AKAP11: variants seen among roughly 807,000 people sequenced by gnomAD.
The protein encoded by AKAP11 is A-kinase anchoring protein 11.
A neutral mutation model predicts 146.1 loss-of-function variants in AKAP11; 36 were observed. The observed-to-expected ratio is 0.25, with a 90% confidence interval of 0.19 to 0.33. The LOEUF is 0.33. Among genes scored for constraint, AKAP11 ranks in the 10% least tolerant of loss-of-function variants. AKAP11 has a pLI of 1.00. For synonymous variants in AKAP11, 780 were observed against 786.5 expected (o/e 0.99, Z 0.14); for missense variants, 2,201 against 2,197.0 (o/e 1.00, Z -0.04).
In AKAP11 at chr13:42,300,597, C is replaced by G; in HGVS notation, c.1851C>G (p.Asn617Lys). 1 of 1,614,002 alleles carries G rather than the reference C, an allele frequency of 6.2e-7. No homozygotes were observed. The highest frequency in any genetic ancestry group is 8.5e-7 in the Non-Finnish European group (1 of 1,179,908). The change falls in exon 8 of 13, where the codon AAC becomes AAG. Residue 617 changes from asparagine to lysine, a missense_variant. This residue lies in a region of AKAP11 where 1,867 missense variants were observed against 1,833.5 expected (regional missense o/e 1.02). Transcript: ENST00000025301. ...AACGTGCCATTAGTGGCCTGGCTAA[C>G]TTTTTGGTGAGTGAAGCTTTATCAA... The part of the protein sequence containing the change: ...LKERAISGLA[N>K]FLVSEALSNA...
chr13:42,296,310 G>C (rs2138552470), intron 5 of AKAP11, among the ~76,000 whole-genome samples: 1 of 152,222 alleles, frequency 6.6e-6, no homozygotes, highest in Non-Finnish European at 1.5e-5. Context: ...TTGTGGCCTT[G>C]CTTGAAGGAA....
At position 42,300,463 on chromosome 13, in the gene AKAP11, G is replaced by A. The variant is rs1959802498; in HGVS notation, c.1717G>A (p.Val573Ile). 1.9e-6 allele frequency: 3 copies of A among 1,613,860 alleles called. No individual in the cohort carries two copies. The highest frequency in any genetic ancestry group is 1.7e-5 in the Admixed American group (1 of 59,982). ...GSAFKDLQKGVSSCTNALYHL... is the reference protein window; with the variant it reads ...GSAFKDLQKGISSCTNALYHL... ...TGCATTTAAAGACTTACAGAAAGGA[G>A]TCTCTTCATGTACCAATGCTTTGTA... Residue 573 changes from valine (V) to isoleucine (I), a missense_variant, in exon 8 of 13, where the codon GTC becomes ATC. This residue lies in a region of AKAP11 where 1,867 missense variants were observed against 1,833.5 expected (regional missense o/e 1.02). Transcript: ENST00000025301.
Position 42,300,906 on chromosome 13 carries a change from C to G in AKAP11, c.2160C>G (p.Val720=), listed in dbSNP as rs1292663654. 3.1e-6 allele frequency: 5 copies of G among 1,614,088 alleles called. No individual in the cohort carries two copies. The highest frequency in any genetic ancestry group is 1.1e-5 in the South Asian group (1 of 91,074). The change falls in exon 8 of 13, where the codon GTC becomes GTG. Residue 720 remains valine, a synonymous_variant. Transcript: ENST00000025301. ...TTACAACAAAGGCAGCAGTTAGTGTCTCTACGGATAATATCAAGTATGTGA... is the reference window on the plus strand; with the variant it reads ...TTACAACAAAGGCAGCAGTTAGTGTGTCTACGGATAATATCAAGTATGTGA... The part of the protein sequence containing the change: ...VTFTTKAAVS[V]STDNIKYVSA...
chr13:42,301,588 A>G lies in AKAP11; in HGVS notation c.2842A>G (p.Lys948Glu), dbSNP rs755937604. 6.2e-7 allele frequency: 1 copy of G among 1,614,154 alleles called. No homozygotes were observed. Among genetic ancestry groups the G allele is most frequent in the Admixed American group, 1.7e-5 (1 of 60,014 alleles). The change falls in exon 8 of 13, where the codon AAA becomes GAA. Residue 948 changes from lysine to glutamate, a missense_variant. Lys to Glu is a moderately conservative substitution (Grantham distance 56, BLOSUM62 1). Coordinates refer to ENST00000025301, the MANE Select transcript of AKAP11 (RefSeq NM_016248.4). ...TGACCGGTTATCTAAATCTATTATT[A>G]AACATTCCATAGATAAGAGCAAATC... ...FADRLSKSII[K>E]HSIDKSKSVI...
chr13:42,301,793 A>T lies in AKAP11; in HGVS notation c.3047A>T (p.His1016Leu), dbSNP rs149353289. ...CCAGAATGTAAAGTTTCTATGGTTC[A>T]TGGATCCTCCCTAGAGACACTGCCA... ...CVPECKVSMVHGSSLETLPSC... is the reference protein window; with the variant it reads ...CVPECKVSMVLGSSLETLPSC... Residue 1016 changes from histidine to leucine, a missense_variant, in exon 8 of 13, where the codon CAT becomes CTT. Transcript: ENST00000025301. 2.2e-5 allele frequency: 36 copies of T among 1,614,110 alleles called. No individual in the cohort carries two copies. The Admixed American group carries it at 5.8e-4, about 26-fold the overall frequency.
rs767456293 is a variant in AKAP11, at chr13:42,303,830, C to T, written c.5084C>T (p.Ala1695Val). Reference sequence around the variant, plus strand: ...AGCCTTGCCACAGAAACCATGACAGCAGCTGTCACAAATGTTGGGCATGCT... The same window carrying T: ...AGCCTTGCCACAGAAACCATGACAGTAGCTGTCACAAATGTTGGGCATGCT... ...AESLATETMT[A>V]AVTNVGHAVS... The change falls in exon 8 of 13, where the codon GCA becomes GTA. Residue 1695 changes from alanine to valine, a missense_variant. Physicochemically the swap from Ala to Val is moderately conservative, Grantham distance 64. Transcript: ENST00000025301. 5 of 1,592,846 alleles carry T rather than the reference C, an allele frequency of 3.1e-6. No individual in the cohort carries two copies. Among genetic ancestry groups the T allele is most frequent in the East Asian group, 4.5e-5 (2 of 44,584 alleles).
At chr13:42,294,983 A>G (rs9594724) in intron 4 of AKAP11, among the ~76,000 whole-genome samples, 25,549 of 152,180 alleles carry the variant, frequency 0.17, 2,887 homozygotes, top group Non-Finnish European at 0.24. Flanking sequence ...TTCTTCATGC[A>G]TTAGGTATTC....
At chr13:42,287,536 G>A (rs7326208) in intron 3 of AKAP11, among the ~76,000 whole-genome samples, 18,705 of 151,920 alleles carry the variant, frequency 0.12, 1,211 homozygotes, top group South Asian at 0.19. Context: ...TGCCTGCCTC[G>A]GCCTCCCAAA....
Position 42,302,707 on chromosome 13 carries a change from T to C in AKAP11, c.3961T>C (p.Ser1321Pro). ...AAGAGAAGTGGATCCGTTTATTCTT[T>C]CATTACCACCAAGTTCTTGTATGTC... ...HPREVDPFIL[S>P]LPPSSCMSGL... Residue 1321 changes from serine (S) to proline (P), a missense_variant, in exon 8 of 13, where the codon TCA becomes CCA. Coordinates refer to ENST00000025301, the MANE Select transcript of AKAP11 (RefSeq NM_016248.4). The C allele has an allele frequency of 6.2e-7, 1 of 1,614,156 alleles. No homozygotes were observed. Among genetic ancestry groups the C allele is most frequent in the Non-Finnish European group, 8.5e-7 (1 of 1,180,018 alleles).
At chr13:42,305,126 A>G (rs988380053) in intron 8 of AKAP11, among the ~76,000 whole-genome samples, 1 of 152,228 alleles carries the variant, frequency 6.6e-6, no homozygotes, top group Non-Finnish European at 1.5e-5. Flanking sequence ...AGAAGATATC[A>G]GGACCAACTT....
rs1343161703 is a variant in AKAP11, at chr13:42,322,167, G to A, written c.*2939G>A. 2.0e-5 allele frequency: 3 copies of A among 152,214 alleles called. No individual in the cohort carries two copies. The highest frequency in any genetic ancestry group is 2.9e-5 in the Non-Finnish European group (2 of 67,972). 9.4% of individuals were successfully genotyped at this position (152,214 alleles called of 1,614,324 possible). The stretch of plus-strand genomic sequence containing the variant: ...AAGAGGATTCATGGTGAATATATGT[G>A]ATAACATCTTTATACTTTGAAAAAT... On this transcript the variant is annotated 3_prime_UTR_variant, in exon 13 of 13. Coordinates refer to ENST00000025301, the MANE Select transcript of AKAP11 (RefSeq NM_016248.4).
At chr13:42,286,137 T>C in intron 2 of AKAP11, 102 bp downstream of exon 2, 1 of 359,428 alleles carries the variant, frequency 2.8e-6, no homozygotes. Flanking sequence ...TTTTCAAATA[T>C]TCTTGCTGGA....
At chr13:42,316,624 T>G in intron 11 of AKAP11, among the ~76,000 whole-genome samples, 1 of 152,226 alleles carries the variant, frequency 6.6e-6, no homozygotes, top group South Asian at 2.1e-4. Context: ...GTCTGAAGAA[T>G]GAGAGATTAA....
intron 6 of AKAP11, 136 bp downstream of exon 6, chr13:42,297,318 G>T: frequency 3.3e-6 from 2 of 606,422 alleles, no homozygotes; most frequent in Non-Finnish European, 5.1e-6. Context: ...TGATTCATAA[G>T]AAATATAACT....
In AKAP11 at chr13:42,279,504, G is replaced by A. The variant is rs117759686; in HGVS notation, c.-99-6482G>A. Among the ~76,000 whole-genome samples the A allele has an allele frequency of 4.5e-3, 678 of 152,046 alleles. 14 individuals are homozygous for A. In the East Asian group the frequency reaches 0.047, roughly 10 times the overall value. Reference sequence around the variant, plus strand: ...GTTAATTGTATCCAGTATGGTTTTCGTTTCAGTATATTTAATTTTCATCTC... The same window carrying A: ...GTTAATTGTATCCAGTATGGTTTTCATTTCAGTATATTTAATTTTCATCTC... On this transcript the variant is annotated intron_variant, in intron 1 of 12. Coordinates refer to ENST00000025301, the MANE Select transcript of AKAP11 (RefSeq NM_016248.4).
rs990972689 is a variant in AKAP11 at position 42,302,422 on chromosome 13, C to A, written c.3676C>A (p.Pro1226Thr). 6.2e-7 allele frequency: 1 copy of A among 1,614,008 alleles called. No homozygotes were observed. Among genetic ancestry groups the A allele is most frequent in the African/African-American group, 1.3e-5 (1 of 74,924 alleles). Reference sequence around the variant, plus strand: ...TTTAGATAACAAAATAATTCAAGAACCCAAGGTTAAAAACCCTTGCTTAAA... The same window carrying A: ...TTTAGATAACAAAATAATTCAAGAAACCAAGGTTAAAAACCCTTGCTTAAA... ...SHLDNKIIQE[P>T]KVKNPCLNVQ... The change falls in exon 8 of 13, where the codon CCC becomes ACC. Residue 1226 changes from proline to threonine, a missense_variant. Around this residue, in one of 3 missense-constraint regions of AKAP11, gnomAD observed 1,867 missense variants for 1,833.5 expected, o/e 1.02. Coordinates refer to ENST00000025301, the MANE Select transcript of AKAP11 (RefSeq NM_016248.4).
At chr13:42,284,926 C>G (rs933611501) in intron 1 of AKAP11, among the ~76,000 whole-genome samples, 1 of 152,136 alleles carries the variant, frequency 6.6e-6, no homozygotes, top group Admixed American at 6.5e-5. Context: ...TTATAGAGAC[C>G]ACTAGGGCTT....
chr13:42,271,744 C>T (rs1297782178), upstream of AKAP11, among the ~76,000 whole-genome samples: 3 of 152,026 alleles, frequency 2.0e-5, no homozygotes, highest in Non-Finnish European at 4.4e-5. Flanking sequence ...GACCAGGAAG[C>T]GCGCAAGACG....
rs1960408005 is a variant in AKAP11, at chr13:42,308,688, T to A, written c.5273+79T>A. 2.7e-6 allele frequency: 3 copies of A among 1,112,704 alleles called. No homozygotes were observed. The South Asian group carries it at 7.2e-5, about 27-fold the overall frequency. The allele number at this position is 1,112,704 out of a possible 1,614,324, so 68.9% of individuals were successfully genotyped here. On this transcript the variant is annotated intron_variant, in intron 9 of 12. Transcript: ENST00000025301. ...TGAGCTATAAATTTACATTATTATT[T>A]AAAAATTCTAAATTTGAAAATATGC...
Sources: allele counts gnomAD v4.1 joint callset (sites outside exome capture counted in the v4.1 genomes callset), GRCh38; gene constraint gnomAD v4.1.1; regional missense constraint gnomAD v4.1.1; transcripts MANE v1.5; gene names NCBI Gene and HGNC (gene_info 2026-07-23, HGNC 2026-07-21).